The following CEP19 variants were observed in gnomAD, a reference collection of about 807,000 sequenced individuals.
CEP19 encodes centrosomal protein of 19 kDa.
Under a neutral mutation model 17.5 loss-of-function variants are expected in CEP19, and 14 were observed. The observed-to-expected ratio is 0.80, with a 90% CI of 0.53 to 1.25. CEP19 has a LOEUF of 1.25. Ranked by LOEUF, CEP19 falls within the 50% of genes most tolerant of loss-of-function variation. CEP19 has a pLI of 0.00. For missense variants in CEP19, 193 were observed against 192.0 expected (o/e 1.01, Z -0.03); for synonymous variants, 59 against 65.5 (o/e 0.90, Z 0.48).
chr3:196,712,015 C>G lies in CEP19; in HGVS notation c.-157G>C. On this transcript the variant is annotated 5_prime_UTR_variant, in exon 1 of 3. Coordinates refer to ENST00000409690, the MANE Select transcript of CEP19 (RefSeq NM_032898.5). ...TTTTTCCACCCAACCGCAGTGCACGCAAAGCCCCTAAGCCGACTGTGAGAC... is the reference window on the plus strand; with the variant it reads ...TTTTTCCACCCAACCGCAGTGCACGGAAAGCCCCTAAGCCGACTGTGAGAC... 1.4e-6 allele frequency: 1 copy of G among 717,100 alleles called. No individual in the cohort carries two copies. Among genetic ancestry groups the G allele is most frequent in the Non-Finnish European group, 2.6e-6 (1 of 384,934 alleles). 44.4% of individuals were successfully genotyped at this position (717,100 alleles called of 1,614,324 possible). A position where few individuals can be genotyped will look rare whatever the true frequency, so the allele number is the denominator to read the frequency against.
intron 1 of CEP19, among the ~76,000 whole-genome samples, chr3:196,711,032 G>C (rs987607571): frequency 6.7e-6 from 1 of 149,240 alleles, no homozygotes; most frequent in South Asian, 2.1e-4. Context: ...AACCTACGGG[G>C]CACATATAAA....
At position 196,707,773 on chromosome 3, in the gene CEP19, C is replaced by T; in HGVS notation, c.270G>A (p.Met90Ile). 1 of 1,614,122 alleles carries T rather than the reference C, an allele frequency of 6.2e-7. No homozygotes were observed. Residue 90 changes from methionine to isoleucine, a missense_variant, in exon 3 of 3, where the codon ATG (methionine) becomes ATA (isoleucine). Coordinates refer to ENST00000409690, the MANE Select transcript of CEP19 (RefSeq NM_032898.5). ...YLSGQSLAET[M>I]EQIQRETTID... ...TGGTTGTTTCCCGTTGAATTTGTTC[C>T]ATTGTTTCTGCCAGACTCTGCCCCG...
intron 1 of CEP19, among the ~76,000 whole-genome samples, chr3:196,711,106 T>C (rs950082412): frequency 1.6e-5 from 2 of 125,696 alleles, no homozygotes; most frequent in South Asian, 5.5e-4. Context: ...TCAAATAATG[T>C]AGTTTTTTTT....
chr3:196,710,977 A>G (rs1245808985), intron 1 of CEP19, among the ~76,000 whole-genome samples: 2 of 142,492 alleles, frequency 1.4e-5, no homozygotes, highest in Admixed American at 7.1e-5. Flanking sequence ...TTTAACGAAT[A>G]CTATTCCCAA....
At chr3:196,711,450 C>G (rs927199356) in intron 1 of CEP19, among the ~76,000 whole-genome samples, 1 of 152,138 alleles carries the variant, frequency 6.6e-6, no homozygotes, top group African/African-American at 2.4e-5. Flanking sequence ...CTCAGCCTCC[C>G]GAGTAGCTGG....
At chr3:196,708,165 G>C (rs1711596720) in intron 2 of CEP19, among the ~76,000 whole-genome samples, 1 of 152,140 alleles carries the variant, frequency 6.6e-6, no homozygotes, top group Non-Finnish European at 1.5e-5. Context: ...ACTTTGTAGA[G>C]ATATTAAACA....
In CEP19 at chr3:196,707,852, T is replaced by A; in HGVS notation, c.191A>T (p.Gln64Leu). ...NNPRHKSYLE[Q>L]VSLRQLEKLF... The stretch of plus-strand genomic sequence containing the variant: ...CTTCTCTAGCTGCCTCAGGGATACT[T>A]GTTCTAGGTAACTCTTGTGTCGCGG... Residue 64 changes from glutamine to leucine, a missense_variant, in exon 3 of 3, where the codon CAA (glutamine) becomes CTA (leucine). Gln to Leu is a moderately radical substitution (Grantham distance 113). Coordinates refer to ENST00000409690, the MANE Select transcript of CEP19 (RefSeq NM_032898.5). The A allele has an allele frequency of 1.2e-5, 19 of 1,614,080 alleles. No homozygotes were observed. The highest frequency in any genetic ancestry group is 1.5e-5 in the Non-Finnish European group (18 of 1,180,036).
intron 1 of CEP19, among the ~76,000 whole-genome samples, chr3:196,709,573 T>C (rs974156824): frequency 6.6e-6 from 1 of 152,246 alleles, no homozygotes; most frequent in African/African-American, 2.4e-5. Context: ...AGCTTCTTCA[T>C]ATACACGTCA....
In CEP19 at chr3:196,708,724, CCTG is replaced by C; in HGVS notation, c.-70_-68del. ...ATATGTGTAAGTTGCATAATGACTT[CCTG>C]CTAAAGGGAAAAAACAACTAGGTGT... On this transcript the variant is annotated splice_region_variant and 5_prime_UTR_variant, in exon 2 of 3. Transcript: ENST00000409690. 6.5e-7 allele frequency: 1 copy of C among 1,539,930 alleles called. No homozygotes were observed. The highest frequency in any genetic ancestry group is 1.8e-5 in the Admixed American group (1 of 56,870).
rs1276101101 is a variant in CEP19, at chr3:196,706,385, A to G, written c.*1166T>C. The G allele has an allele frequency of 6.6e-6, 1 of 152,242 alleles. No individual in the cohort carries two copies. Among genetic ancestry groups the G allele is most frequent in the African/African-American group, 2.4e-5 (1 of 41,456 alleles). The allele number at this position is 152,242 out of a possible 1,614,324, so 9.4% of individuals were successfully genotyped here. On this transcript the variant is annotated 3_prime_UTR_variant, in exon 3 of 3. Transcript: ENST00000409690. The stretch of plus-strand genomic sequence containing the variant: ...AGGATAAATGTATCAAATCACAGAT[A>G]ATGTTGTTAAACGAAGATGCTGTCT...
intron 1 of CEP19, among the ~76,000 whole-genome samples, chr3:196,711,365 G>T (rs983502228): frequency 1.3e-5 from 2 of 150,040 alleles, no homozygotes; most frequent in Non-Finnish European, 3.0e-5. Flanking sequence ...TCCCTCTGTC[G>T]CCTAGGCTGC....
At position 196,706,373 on chromosome 3, in the gene CEP19, C is replaced by T. The variant is rs145891278; in HGVS notation, c.*1178G>A. 32 of 152,312 alleles carry T rather than the reference C, an allele frequency of 2.1e-4. 1 individual carries two copies. The highest frequency in any genetic ancestry group is 1.1e-3 in the Admixed American group (17 of 15,292). The allele number at this position is 152,312 out of a possible 1,614,324, so 9.4% of individuals were successfully genotyped here. Reference sequence around the variant, plus strand: ...AATATTGTAATAAGGATAAATGTATCAAATCACAGATAATGTTGTTAAACG... The same window carrying T: ...AATATTGTAATAAGGATAAATGTATTAAATCACAGATAATGTTGTTAAACG... On this transcript the variant is annotated 3_prime_UTR_variant, in exon 3 of 3. Coordinates refer to ENST00000409690, the MANE Select transcript of CEP19 (RefSeq NM_032898.5).
chr3:196,709,499 T>C (rs554252809), intron 1 of CEP19, among the ~76,000 whole-genome samples: 6 of 152,240 alleles, frequency 3.9e-5, no homozygotes, highest in Non-Finnish European at 8.8e-5. Flanking sequence ...TGATGGTCCC[T>C]GTACATTTTT....
In CEP19 at chr3:196,707,781, C is replaced by G; in HGVS notation, c.262G>C (p.Glu88Gln). The G allele has an allele frequency of 6.2e-7, 1 of 1,614,156 alleles. No homozygotes were observed. Among genetic ancestry groups the G allele is most frequent in the Non-Finnish European group, 8.5e-7 (1 of 1,180,038 alleles). Residue 88 changes from glutamate to glutamine, a missense_variant, in exon 3 of 3, where the codon GAA (glutamate) becomes CAA (glutamine). Physicochemically the swap from Glu to Gln is conservative, Grantham distance 29. Transcript: ENST00000409690. ...TCCCGTTGAATTTGTTCCATTGTTT[C>G]TGCCAGACTCTGCCCCGACAAGTAA... ...RGYLSGQSLA[E>Q]TMEQIQRETT... is the part of the protein sequence containing the mutation.
intron 1 of CEP19, among the ~76,000 whole-genome samples, chr3:196,710,838 T>G (rs1337868923): frequency 2.1e-5 from 2 of 96,864 alleles, no homozygotes; most frequent in Non-Finnish European, 4.0e-5. Flanking sequence ...GATACGCCTA[T>G]TCTTAAAAAA....
intron 1 of CEP19, among the ~76,000 whole-genome samples, chr3:196,710,342 G>A (rs1474266023): frequency 6.6e-6 from 1 of 152,136 alleles, no homozygotes; most frequent in Non-Finnish European, 1.5e-5. Flanking sequence ...TCAGGAGTTC[G>A]AGACCAGCCT....
In CEP19 at chr3:196,706,589, T is replaced by G. The variant is rs1711525978; in HGVS notation, c.*962A>C. On this transcript the variant is annotated 3_prime_UTR_variant, in exon 3 of 3. Transcript: ENST00000409690. ...CAGAATTCCCCCTCTGTCCATCAAG[T>G]GACATCTGCTTGCAGCTGTAGGGAA... is the stretch of plus-strand genomic sequence containing the variant. 6.6e-6 allele frequency: 1 copy of G among 152,188 alleles called. No individual in the cohort carries two copies. The highest frequency in any genetic ancestry group is 1.5e-5 in the Non-Finnish European group (1 of 68,034). The allele number at this position is 152,188 out of a possible 1,614,324, so 9.4% of individuals were successfully genotyped here.
intron 2 of CEP19, among the ~76,000 whole-genome samples, chr3:196,708,290 G>T (rs1465846558): frequency 1.3e-5 from 2 of 152,114 alleles, no homozygotes; most frequent in East Asian, 3.8e-4. Flanking sequence ...AATGAGAGAA[G>T]GGAATTAATA....
Position 196,712,020 on chromosome 3 carries a change from C to G in CEP19, c.-162G>C. 1 of 716,670 alleles carries G rather than the reference C, an allele frequency of 1.4e-6. No individual in the cohort carries two copies. Among genetic ancestry groups the G allele is most frequent in the Non-Finnish European group, 2.6e-6 (1 of 384,628 alleles). The allele number at this position is 716,670 out of a possible 1,614,324, so 44.4% of individuals were successfully genotyped here. A position where few individuals can be genotyped will look rare whatever the true frequency, so the allele number is the denominator to read the frequency against. Reference sequence around the variant, plus strand: ...CCACCCAACCGCAGTGCACGCAAAGCCCCTAAGCCGACTGTGAGACCGGGC... The same window carrying G: ...CCACCCAACCGCAGTGCACGCAAAGGCCCTAAGCCGACTGTGAGACCGGGC... On this transcript the variant is annotated 5_prime_UTR_variant, in exon 1 of 3. Coordinates refer to ENST00000409690, the MANE Select transcript of CEP19 (RefSeq NM_032898.5).
Sources: gnomAD v4.1 joint callset for allele counts (sites outside exome capture counted in the v4.1 genomes callset) on GRCh38, gnomAD v4.1.1 for gene constraint, MANE v1.5 for transcripts, NCBI Gene and HGNC (gene_info 2026-07-23, HGNC 2026-07-21) for gene names.